Variants in DTNB observed in about 807,000 individuals in gnomAD.
DTNB encodes the protein DTN-B.
In DTNB, 63 loss-of-function variants were observed where a neutral mutation model predicts 90.7. That is an observed-to-expected ratio of 0.69 (90% CI 0.57 to 0.86). DTNB has a LOEUF of 0.86. DTNB is among the 40% of genes least tolerant of loss of function. The probability of loss-of-function intolerance (pLI) is 0.00; values close to 1 mark genes in which losing one functional copy is unlikely to be tolerated. For synonymous variants in DTNB, 277 were observed against 286.7 expected, an observed-to-expected ratio of 0.97 and a Z score of 0.34; for missense variants, 744 against 807.1, an observed-to-expected ratio of 0.92 and a Z score of 0.95.
chr2:25,520,303 TG>T (rs2075924063), intron 9 of DTNB, among the ~76,000 whole-genome samples: 1 of 151,806 alleles, frequency 6.6e-6, no homozygotes, highest in Non-Finnish European at 1.5e-5. Flanking sequence ...ATCCGGGAGG[TG>T]GAAGTTGCAG....
chr2:25,616,931 CAAAA>C lies in DTNB; in HGVS notation c.363-9614_363-9611del, dbSNP rs70947896. Among the ~76,000 whole-genome samples, 26 of 70,558 alleles carry C rather than the reference CAAAA, an allele frequency of 3.7e-4. No homozygotes were observed. The East Asian group carries it at 3.8e-3, about 10-fold the overall frequency. 46.3% of individuals were successfully genotyped at this position (70,558 alleles called of 152,430 possible). A position where few individuals can be genotyped will look rare whatever the true frequency, so the allele number is the denominator to read the frequency against. On this transcript the variant is annotated intron_variant, in intron 4 of 20. Transcript: ENST00000406818. ...TGGGCGACAGAGCAAGACCCCGTCT[CAAAA>C]AAAAAAAAAAAAAAAAAGGAAAAAA...
chr2:25,541,080 A>G (rs1259341253), intron 8 of DTNB, among the ~76,000 whole-genome samples: 1 of 152,118 alleles, frequency 6.6e-6, no homozygotes, highest in Non-Finnish European at 1.5e-5. Flanking sequence ...GCTAGATGAT[A>G]TAGAATATTC....
intron 15 of DTNB, among the ~76,000 whole-genome samples, chr2:25,426,201 C>T (rs989905178): frequency 1.3e-5 from 2 of 152,136 alleles, no homozygotes; most frequent in African/African-American, 2.4e-5. Flanking sequence ...AAAGGATAGT[C>T]AGATAGCTGG....
chr2:25,406,979 T>C (rs1013364609), intron 16 of DTNB, among the ~76,000 whole-genome samples: 4 of 152,092 alleles, frequency 2.6e-5, no homozygotes, highest in African/African-American at 9.7e-5. Context: ...TGAAAGCAAT[T>C]AACAGAAAAT....
rs756063170 is a variant in DTNB at position 25,596,158 on chromosome 2, G to A, written c.531C>T (p.Leu177=). The A allele has an allele frequency of 8.1e-6, 13 of 1,613,528 alleles. No homozygotes were observed. In the East Asian group the frequency reaches 2.9e-4, roughly 36 times the overall value. Reference sequence around the variant, plus strand: ...ATGGCCCTTCAAAGACAGCTGTTGGGAGCTTCAGAACTTCCTTCAGAAACT... The same window carrying A: ...ATGGCCCTTCAAAGACAGCTGTTGGAAGCTTCAGAACTTCCTTCAGAAACT... ...FDQFLKEVLK[L]PTAVFEGPSF... The change falls in exon 6 of 21, where the codon CTC becomes CTT. Residue 177 remains leucine (L), a synonymous_variant. Transcript: ENST00000406818.
At chr2:25,626,499 C>T (rs1389951158) in intron 4 of DTNB, among the ~76,000 whole-genome samples, 1 of 152,142 alleles carries the variant, frequency 6.6e-6, no homozygotes, top group Non-Finnish European at 1.5e-5. Flanking sequence ...CACAGTGGTA[C>T]ACACCTGTAA....
chr2:25,625,078 T>C lies in DTNB; in HGVS notation c.362+3093A>G, dbSNP rs140060110. Among the ~76,000 whole-genome samples the C allele has an allele frequency of 5.4e-4, 83 of 152,340 alleles. No individual in the cohort carries two copies. In the East Asian group the frequency reaches 0.016, roughly 29 times the overall value. On this transcript the variant is annotated intron_variant, in intron 4 of 20. Coordinates refer to ENST00000406818, the MANE Select transcript of DTNB (RefSeq NM_021907.5). ...TGTTGTAGGGTCTTATACTCTCTTA[T>C]TATAATGATCAGAAATCATCTGGCC...
intron 9 of DTNB, among the ~76,000 whole-genome samples, chr2:25,496,243 T>C (rs1040217040): frequency 6.6e-6 from 1 of 152,198 alleles, no homozygotes; most frequent in African/African-American, 2.4e-5. Context: ...CAGAAATGTA[T>C]TTTTTTATTT....
chr2:25,582,187 T>A (rs1380708691), intron 6 of DTNB, among the ~76,000 whole-genome samples: 1 of 152,190 alleles, frequency 6.6e-6, no homozygotes, highest in Non-Finnish European at 1.5e-5. Context: ...TTTTTACCAC[T>A]AAAAATATAT....
chr2:25,670,274 TATAC>T (rs1190774611), intron 1 of DTNB, among the ~76,000 whole-genome samples: 1 of 152,208 alleles, frequency 6.6e-6, no homozygotes, highest in Non-Finnish European at 1.5e-5. Flanking sequence ...ATTACCTATA[TATAC>T]ATGAAAATAC....
intron 1 of DTNB, among the ~76,000 whole-genome samples, chr2:25,667,608 C>T (rs1351157004): frequency 6.6e-6 from 1 of 152,116 alleles, no homozygotes; most frequent in Non-Finnish European, 1.5e-5. Flanking sequence ...ACAGAACAGT[C>T]TGACATACTT....
At chr2:25,422,445 G>A (rs975158303) in intron 15 of DTNB, among the ~76,000 whole-genome samples, 3 of 118,774 alleles carry the variant, frequency 2.5e-5, no homozygotes, top group East Asian at 2.5e-4. Context: ...TCACTGTGTC[G>A]CCCAGGCTGG....
intron 16 of DTNB, among the ~76,000 whole-genome samples, chr2:25,416,238 A>G (rs2047889892): frequency 1.3e-5 from 2 of 152,260 alleles, no homozygotes; most frequent in South Asian, 4.1e-4. Context: ...TCCTGGTAGT[A>G]GTAAGCAGTA....
chr2:25,532,641 A>G (rs1434067029), intron 8 of DTNB, among the ~76,000 whole-genome samples: 1 of 152,266 alleles, frequency 6.6e-6, no homozygotes. Context: ...TCATATTTAA[A>G]GGAGGCTCCT....
At chr2:25,625,669 G>A (rs751817179) in intron 4 of DTNB, among the ~76,000 whole-genome samples, 7 of 149,004 alleles carry the variant, frequency 4.7e-5, no homozygotes, top group South Asian at 2.1e-4. Flanking sequence ...TAGCTTTCTC[G>A]GAATATGGCC....
At chr2:25,550,768 G>A (rs2083474815) in intron 8 of DTNB, among the ~76,000 whole-genome samples, 1 of 152,122 alleles carries the variant, frequency 6.6e-6, no homozygotes, top group Admixed American at 6.5e-5. Context: ...CCCTGCCTCA[G>A]CCTCCTGAGT....
rs569725375 is a variant in DTNB, at chr2:25,632,902, A to T, written c.149-4518T>A. ...TTTGCTCTGATAATGGGAATGAGAT[A>T]AAAAATGCCCACTATCATCATTTCT... On this transcript the variant is annotated intron_variant, in intron 3 of 20. Transcript: ENST00000406818. Among the ~76,000 whole-genome samples, 389 of 152,324 alleles carry T rather than the reference A, an allele frequency of 2.6e-3. 3 individuals are homozygous for T. The highest frequency in any genetic ancestry group is 0.02 in the Admixed American group (308 of 15,296).
At chr2:25,525,994 T>C (rs1049446684) in intron 9 of DTNB, among the ~76,000 whole-genome samples, 43 of 152,230 alleles carry the variant, frequency 2.8e-4, no homozygotes, top group African/African-American at 9.9e-4. Flanking sequence ...TACTCCTTTC[T>C]AGGCCCACCA....
At chr2:25,487,397 T>C (rs1173043343) in intron 9 of DTNB, among the ~76,000 whole-genome samples, 1 of 152,250 alleles carries the variant, frequency 6.6e-6, no homozygotes, top group Admixed American at 6.5e-5. Context: ...TGTTAGGTAT[T>C]ACAAGTACTC....
Sources: gnomAD v4.1 joint callset for allele counts (sites outside exome capture counted in the v4.1 genomes callset) on GRCh38, gnomAD v4.1.1 for gene constraint, MANE v1.5 for transcripts, NCBI Gene and HGNC (gene_info 2026-07-23, HGNC 2026-07-21) for gene names.